The following L3HYPDH variants were observed in gnomAD, a reference collection of about 807,000 sequenced individuals.
L3HYPDH encodes trans-L-3-hydroxyproline dehydratase, also known as trans-3-hydroxy-L-proline dehydratase.
A neutral mutation model predicts 26.5 loss-of-function variants in L3HYPDH; 32 were observed. That is an observed-to-expected ratio of 1.21 (90% CI 0.91 to 1.62). The LOEUF (loss-of-function observed/expected upper bound fraction) is 1.62, where lower values mean the gene tolerates loss of function less well. Among genes scored for constraint, L3HYPDH ranks in the 40% most tolerant of loss-of-function variants. The probability of loss-of-function intolerance (pLI) is 0.00; values close to 1 mark genes in which losing one functional copy is unlikely to be tolerated. For missense variants in L3HYPDH, 554 were observed against 476.4 expected, an observed-to-expected ratio of 1.16 and a Z score of -1.52; for synonymous variants, 215 against 196.6, an observed-to-expected ratio of 1.09 and a Z score of -0.78.
At chr14:59,482,245 G>A (rs929741999) in intron 1 of L3HYPDH, among the ~76,000 whole-genome samples, 2 of 152,124 alleles carry the variant, frequency 1.3e-5, no homozygotes, top group African/African-American at 4.8e-5. Context: ...GGAGAGGTGG[G>A]GCAGTGACCT....
chr14:59,474,705 GATA>G (rs1408074560), intron 4 of L3HYPDH: 2 of 558,212 alleles, frequency 3.6e-6, no homozygotes, highest in African/African-American at 3.8e-5. Context: ...ATTGAAAAAC[GATA>G]ATAACAGCAC....
chr14:59,476,113 A>T lies in L3HYPDH; in HGVS notation c.780T>A (p.Ile260=), dbSNP rs1889606786. ...ATACCTGTTCATCTGCAAAAACACA[A>T]ATGTTGGTGGTTGGTTCCTTGGTAT... The part of the protein sequence containing the change: ...DAYTKEPTTN[I]CVFADEQVDR... Residue 260 remains isoleucine (I), a synonymous_variant, in exon 3 of 5, where the codon ATT becomes ATA. Coordinates refer to ENST00000247194, the MANE Select transcript of L3HYPDH (RefSeq NM_144581.2). The T allele has an allele frequency of 1.9e-6, 3 of 1,613,954 alleles. No individual in the cohort carries two copies. Among genetic ancestry groups the T allele is most frequent in the African/African-American group, 1.3e-5 (1 of 75,024 alleles).
downstream of L3HYPDH, among the ~76,000 whole-genome samples, chr14:59,468,868 G>A (rs980902378): frequency 6.6e-6 from 1 of 152,200 alleles, no homozygotes; most frequent in Admixed American, 6.5e-5. Context: ...CCTTTGCAGT[G>A]AAGAAGGAGA....
At chr14:59,467,585 C>T (rs966802381) in intron 1 of L3HYPDH, among the ~76,000 whole-genome samples, 1 of 152,140 alleles carries the variant, frequency 6.6e-6, no homozygotes, top group African/African-American at 2.4e-5. Context: ...TTCTCAGCTC[C>T]TCTGGACTCC....
At chr14:59,487,646 C>T, upstream of L3HYPDH, 1 of 1,559,664 alleles carries the variant, frequency 6.4e-7, no homozygotes, top group Non-Finnish European at 8.8e-7. Context: ...AATATCTGTA[C>T]ACAAAATATT....
At chr14:59,500,290 T>C in the L3HYPDH span, among the ~76,000 whole-genome samples, 59,311 of 152,088 alleles carry the variant, frequency 0.39, 12,326 homozygotes, top group African/African-American at 0.52. Flanking sequence ...TGCTGAATCC[T>C]GAGTTAACAT....
chr14:59,494,697 T>C, the L3HYPDH span, among the ~76,000 whole-genome samples: 1 of 152,176 alleles, frequency 6.6e-6, no homozygotes, highest in South Asian at 2.1e-4. Flanking sequence ...ATTACTATAC[T>C]TTCTAACAAA....
the L3HYPDH span, chr14:59,498,901 C>A: frequency 6.3e-7 from 1 of 1,595,228 alleles, no homozygotes; most frequent in Non-Finnish European, 8.6e-7. Flanking sequence ...TTGGTGGAGG[C>A]CTTTTATGTA....
the L3HYPDH span, chr14:59,501,028 G>A: frequency 1.8e-6 from 1 of 563,322 alleles, no homozygotes; most frequent in Non-Finnish European, 3.1e-6. Context: ...GCCCTTTCCA[G>A]AAAAAGCTTG....
chr14:59,470,968 A>AG (rs1420727170), downstream of L3HYPDH, among the ~76,000 whole-genome samples: 1 of 24,226 alleles, frequency 4.1e-5, no homozygotes, highest in African/African-American at 1.6e-4. Context: ...GGGGGGGGGG[A>AG]GGGCAGGAGA....
chr14:59,499,301 G>C, the L3HYPDH span, among the ~76,000 whole-genome samples: 80,862 of 151,536 alleles, frequency 0.53, 23,598 homozygotes, highest in African/African-American at 0.78. Flanking sequence ...AGTTCATGAC[G>C]AAATTAAAAT....
intron 2 of L3HYPDH, 31 bp downstream of exon 2, chr14:59,479,151 G>A (rs763009870): frequency 2.0e-6 from 3 of 1,515,616 alleles, no homozygotes; most frequent in East Asian, 2.4e-5. Context: ...ACAGAGAAGG[G>A]AATTGGTTAT....
At chr14:59,486,236 TTC>T (rs1303000121), upstream of L3HYPDH, among the ~76,000 whole-genome samples, 7 of 152,234 alleles carry the variant, frequency 4.6e-5, no homozygotes, top group East Asian at 9.6e-4. Context: ...TGAAATTATG[TTC>T]TCTCTGCTTT....
the L3HYPDH span, among the ~76,000 whole-genome samples, chr14:59,494,711 G>A: frequency 5.9e-5 from 9 of 152,040 alleles, no homozygotes; most frequent in African/African-American, 7.3e-5. Context: ...TAACAAACAC[G>A]TTACATACCA....
At chr14:59,499,548 C>T in the L3HYPDH span, among the ~76,000 whole-genome samples, 1 of 152,056 alleles carries the variant, frequency 6.6e-6, no homozygotes, top group Admixed American at 6.5e-5. Context: ...AAGAATAAGA[C>T]AAATTCACTG....
At chr14:59,470,201 A>G (rs981906156), downstream of L3HYPDH, among the ~76,000 whole-genome samples, 4 of 152,200 alleles carry the variant, frequency 2.6e-5, no homozygotes, top group Non-Finnish European at 4.4e-5. Flanking sequence ...GTTGCCAGCC[A>G]GGATTACCCA....
At chr14:59,473,925 CA>C (rs1318617642) in intron 4 of L3HYPDH, among the ~76,000 whole-genome samples, 1 of 152,014 alleles carries the variant, frequency 6.6e-6, no homozygotes. Flanking sequence ...CCCACACAGA[CA>C]GGGAGAGAGC....
the L3HYPDH span, among the ~76,000 whole-genome samples, chr14:59,490,504 G>A: frequency 1.3e-5 from 2 of 152,184 alleles, no homozygotes; most frequent in African/African-American, 4.8e-5. Context: ...AATTTCTGTG[G>A]AGGGTAGGTA....
intron 1 of L3HYPDH, 82 bp downstream of exon 1, chr14:59,483,727 T>G: frequency 6.5e-7 from 1 of 1,530,898 alleles, no homozygotes; most frequent in Non-Finnish European, 8.7e-7. Flanking sequence ...TTGCCAGAGT[T>G]CCAGCCCAGA....
Sources: allele counts gnomAD v4.1 joint callset (sites outside exome capture counted in the v4.1 genomes callset), GRCh38; gene constraint gnomAD v4.1.1; transcripts MANE v1.5; gene names NCBI Gene and HGNC (gene_info 2026-07-23, HGNC 2026-07-21).